The following KIT variants were observed in gnomAD, a reference collection of about 807,000 sequenced individuals.
The protein encoded by KIT is mast/stem cell growth factor receptor Kit.
In KIT, 16 loss-of-function variants were observed where a neutral mutation model predicts 105.7. That is an observed-to-expected ratio of 0.15 (90% confidence interval 0.10 to 0.23). The LOEUF (loss-of-function observed/expected upper bound fraction) is 0.23. Among genes scored for constraint, KIT ranks in the 10% least tolerant of loss-of-function variants. KIT has a pLI of 1.00. For missense variants in KIT, 858 were observed against 1,213.8 expected (o/e 0.71, Z 4.36); for synonymous variants, 438 against 441.1 (o/e 0.99, Z 0.09).
chr4:54,710,348 C>A (rs916334034), intron 7 of KIT, among the ~76,000 whole-genome samples: 7 of 152,050 alleles, frequency 4.6e-5, no homozygotes, highest in African/African-American at 1.7e-4. Flanking sequence ...AGGGAGTGGC[C>A]CAATAAATGA....
intron 7 of KIT, among the ~76,000 whole-genome samples, chr4:54,711,041 A>T (rs1474294226): frequency 1.3e-5 from 2 of 152,250 alleles, no homozygotes; most frequent in Admixed American, 1.3e-4. Context: ...CACCACGCAC[A>T]GCTAATTTTT....
rs954832399 is a variant in KIT, at chr4:54,739,609, G to T, written c.*1052G>T. ...CTTATGTAGCAGGAAATAAAGTATA[G>T]GTTTAGCCTCCTTCGCAGGCATGTC... On this transcript the variant is annotated 3_prime_UTR_variant, in exon 21 of 21. Transcript: ENST00000288135. 1 of 233,460 alleles carries T rather than the reference G, an allele frequency of 4.3e-6. No homozygotes were observed. The highest frequency in any genetic ancestry group is 2.2e-5 in the African/African-American group (1 of 45,348). The allele number at this position is 233,460 out of a possible 1,614,324, so 14.5% of individuals were successfully genotyped here. A position where few individuals can be genotyped will look rare whatever the true frequency, so the allele number is the denominator to read the frequency against.
intron 1 of KIT, among the ~76,000 whole-genome samples, chr4:54,682,500 C>T (rs1283323759): frequency 6.6e-6 from 1 of 151,756 alleles, no homozygotes; most frequent in Non-Finnish European, 1.5e-5. Flanking sequence ...ACAGTCTTGG[C>T]TCACTGTAAC....
At chr4:54,688,409 A>T (rs1039020217) in intron 1 of KIT, among the ~76,000 whole-genome samples, 1 of 146,948 alleles carries the variant, frequency 6.8e-6, no homozygotes, top group Non-Finnish European at 1.5e-5. Context: ...TTCCTGCTCT[A>T]CTTCCCCAAA....
Position 54,732,012 on chromosome 4 carries a change from A to G in KIT, c.2361+14A>G, listed in dbSNP as rs2109796294. On this transcript the variant is annotated intron_variant, in intron 16 of 20. Coordinates refer to ENST00000288135, the MANE Select transcript of KIT (RefSeq NM_000222.3). ...GCCTCCAAGAATGTAAGTGGGAGTG[A>G]TTCTCTAAAGAGTTTTGTGTTTTGT... 9 of 1,495,454 alleles carry G rather than the reference A, an allele frequency of 6.0e-6. No individual in the cohort carries two copies. Among genetic ancestry groups the G allele is most frequent in the Non-Finnish European group, 7.4e-6 (8 of 1,084,548 alleles). The allele number at this position is 1,495,454 out of a possible 1,614,324, so 92.6% of individuals were successfully genotyped here.
intron 7 of KIT, among the ~76,000 whole-genome samples, chr4:54,719,078 A>G (rs1721685783): frequency 6.6e-6 from 1 of 152,216 alleles, no homozygotes; most frequent in African/African-American, 2.4e-5. Flanking sequence ...TTAAAAACAG[A>G]AATTCATTCT....
chr4:54,729,148 A>T (rs55901764), intron 13 of KIT, 187 bp from the exon 14 acceptor site: 1 of 611,280 alleles, frequency 1.6e-6, no homozygotes. Flanking sequence ...TGCTTGTTTT[A>T]TGTTACTCCA....
intron 1 of KIT, among the ~76,000 whole-genome samples, chr4:54,678,255 T>TCTTCATAGCTTCATAG (rs373411975): frequency 0.06 from 8,980 of 150,020 alleles, 344 homozygotes; most frequent in African/African-American, 0.085. Flanking sequence ...CTGCCATTTT[T>TCTTCATAGCTTCATAG]CTTCATAGCT....
At chr4:54,709,675 C>T (rs752421787) in intron 7 of KIT, 136 bp downstream of exon 7, 19 of 711,312 alleles carry the variant, frequency 2.7e-5, no homozygotes, top group Admixed American at 4.0e-5. Flanking sequence ...ACAGAGACTT[C>T]GTGGTTTGGT....
chr4:54,704,520 T>TATG (rs1370487352), intron 5 of KIT, among the ~76,000 whole-genome samples: 1 of 152,144 alleles, frequency 6.6e-6, no homozygotes, highest in Non-Finnish European at 1.5e-5. Flanking sequence ...CCATCATATC[T>TATG]GGTATGCACA....
At chr4:54,731,739 C>G in intron 15 of KIT, 132 bp from the exon 16 acceptor site, 1 of 919,306 alleles carries the variant, frequency 1.1e-6, no homozygotes, top group Non-Finnish European at 1.8e-6. Flanking sequence ...TCCTGGACAC[C>G]AGGGAAGTGA....
intron 11 of KIT, 125 bp from the exon 12 acceptor site, chr4:54,727,698 C>T (rs574135703): frequency 1.7e-5 from 22 of 1,279,750 alleles, no homozygotes; most frequent in Non-Finnish European, 2.3e-5. Context: ...TAGAGAACAT[C>T]GTAGGAAAAT....
intron 16 of KIT, among the ~76,000 whole-genome samples, chr4:54,732,516 A>G (rs1269927535): frequency 6.6e-6 from 1 of 152,176 alleles, no homozygotes; most frequent in Admixed American, 6.6e-5. Context: ...CAAAACAAGG[A>G]GCATGGTCTG....
chr4:54,719,966 G>C (rs897350887), intron 7 of KIT, among the ~76,000 whole-genome samples: 3 of 152,078 alleles, frequency 2.0e-5, no homozygotes, highest in African/African-American at 7.2e-5. Flanking sequence ...GAAAGGGCTG[G>C]ACCGAGGTGA....
At chr4:54,717,623 T>C (rs559625136) in intron 7 of KIT, among the ~76,000 whole-genome samples, 1 of 152,320 alleles carries the variant, frequency 6.6e-6, no homozygotes, top group South Asian at 2.1e-4. Flanking sequence ...GTGGAGATTT[T>C]CTTTTCAGTT....
chr4:54,678,393 G>T (rs1409765647), intron 1 of KIT, among the ~76,000 whole-genome samples: 1 of 128,030 alleles, frequency 7.8e-6, no homozygotes, highest in Non-Finnish European at 1.6e-5. Context: ...TCCCTGTGAG[G>T]CTGTCTCCCT....
At chr4:54,709,395 G>A in intron 6 of KIT, 29 bp from the exon 7 acceptor site, 1 of 1,354,508 alleles carries the variant, frequency 7.4e-7, no homozygotes, top group Non-Finnish European at 1.1e-6. Flanking sequence ...CTATCCACAG[G>A]TGATTGACTA....
rs569196087 is a variant in KIT, at chr4:54,733,630, C to T, written c.2484+438C>T. ...GTTGGATCCTAGAATACACGGAGAG[C>T]TATTAAATAGGTTCATAAGTAATAA... is the stretch of plus-strand genomic sequence containing the variant. On this transcript the variant is annotated intron_variant, in intron 17 of 20. Coordinates refer to ENST00000288135, the MANE Select transcript of KIT (RefSeq NM_000222.3). 6.6e-5 allele frequency among the ~76,000 whole-genome samples: 10 copies of T among 152,182 alleles called. No individual in the cohort carries two copies. The East Asian group carries it at 1.9e-3, about 29-fold the overall frequency.
intron 16 of KIT, 111 bp from the exon 17 acceptor site, chr4:54,732,959 G>T (rs1030366688): frequency 1.6e-5 from 14 of 895,960 alleles, no homozygotes; most frequent in Non-Finnish European, 2.4e-5. Flanking sequence ...TAAAACAAAA[G>T]TATTGGATTT....
Sources: allele counts gnomAD v4.1 joint callset (sites outside exome capture counted in the v4.1 genomes callset), GRCh38; gene constraint gnomAD v4.1.1; transcripts MANE v1.5; gene names NCBI Gene and HGNC (gene_info 2026-07-23, HGNC 2026-07-21).